PCSK5: variants seen among roughly 807,000 people sequenced by gnomAD.
PCSK5 encodes prohormone convertase 5.
PCSK5 carries 129 observed loss-of-function variants against 233.2 expected under a neutral mutation model. The ratio of observed to expected loss-of-function variants is 0.55; its 90% CI spans 0.48 to 0.64. The LOEUF is 0.64. Ranked by LOEUF, PCSK5 falls within the 30% of genes least tolerant of loss-of-function variation. The pLI, the probability that PCSK5 is intolerant of heterozygous loss-of-function variation, is 0.00. For synonymous variants in PCSK5, 825 were observed against 879.2 expected (o/e 0.94, Z 1.09); for missense variants, 2,076 against 2,430.1 (o/e 0.85, Z 3.06).
At chr9:76,264,615 C>T (rs568636990) in intron 24 of PCSK5, among the ~76,000 whole-genome samples, 38 of 152,242 alleles carry the variant, frequency 2.5e-4, no homozygotes, top group African/African-American at 8.7e-4. Flanking sequence ...TGAACAGACA[C>T]TTCTCAAAAG....
intron 34 of PCSK5, among the ~76,000 whole-genome samples, chr9:76,333,053 A>G (rs990685978): frequency 6.6e-6 from 1 of 152,238 alleles, no homozygotes; most frequent in African/African-American, 2.4e-5. Context: ...CCATCAGGCT[A>G]TAGTCCCAGC....
chr9:76,334,004 T>C (rs113792160), intron 34 of PCSK5, among the ~76,000 whole-genome samples: 23 of 152,268 alleles, frequency 1.5e-4, no homozygotes, highest in African/African-American at 5.5e-4. Context: ...TTAATTCGAC[T>C]TACAGTTCCA....
At chr9:76,218,725 GATTA>G (rs1184082740) in intron 20 of PCSK5, among the ~76,000 whole-genome samples, 1 of 152,112 alleles carries the variant, frequency 6.6e-6, no homozygotes, top group African/African-American at 2.4e-5. Flanking sequence ...TATGTGATTT[GATTA>G]ATTTCACACA....
intron 20 of PCSK5, among the ~76,000 whole-genome samples, chr9:76,216,659 T>C (rs1297452066): frequency 6.6e-6 from 1 of 151,888 alleles, no homozygotes; most frequent in African/African-American, 2.4e-5. Flanking sequence ...GTATTGGGGG[T>C]CAAAGGGAAG....
At chr9:76,096,937 TA>T (rs1043000017) in intron 8 of PCSK5, among the ~76,000 whole-genome samples, 6 of 150,846 alleles carry the variant, frequency 4.0e-5, no homozygotes, top group African/African-American at 1.5e-4. Context: ...TTTTATTTTT[TA>T]TTTTTTTTTT....
At position 76,359,094 on chromosome 9, in the gene PCSK5, T is replaced by G; in HGVS notation, c.*172T>G. On this transcript the variant is annotated 3_prime_UTR_variant, in exon 38 of 38. Transcript: ENST00000674117. ...ATGATGAAATACTTTGTTCTTCTTT[T>G]GAGTGGCTAAACTCAATTAACAGTT... 1 of 600,934 alleles carries G rather than the reference T, an allele frequency of 1.7e-6. No individual in the cohort carries two copies. Among genetic ancestry groups the G allele is most frequent in the East Asian group, 2.8e-5 (1 of 36,176 alleles). 37.2% of individuals were successfully genotyped at this position (600,934 alleles called of 1,614,324 possible).
At chr9:76,002,269 C>T (rs1022475312) in intron 3 of PCSK5, among the ~76,000 whole-genome samples, 11 of 152,150 alleles carry the variant, frequency 7.2e-5, no homozygotes, top group African/African-American at 2.7e-4. Flanking sequence ...GAGACCCTTG[C>T]AAATATACTC....
intron 24 of PCSK5, among the ~76,000 whole-genome samples, chr9:76,260,925 G>A (rs1827153047): frequency 6.6e-6 from 1 of 152,064 alleles, no homozygotes; most frequent in African/African-American, 2.4e-5. Flanking sequence ...TATTAATGGG[G>A]TATTTATTAA....
intron 26 of PCSK5, 59 bp downstream of exon 26, chr9:76,295,470 C>T (rs988271076): frequency 1.5e-5 from 23 of 1,527,122 alleles, no homozygotes; most frequent in East Asian, 2.3e-5. Context: ...TCCACACAGT[C>T]GGGGCCACAG....
intron 1 of PCSK5, among the ~76,000 whole-genome samples, chr9:75,898,606 T>C (rs1332627421): frequency 1.3e-5 from 2 of 149,582 alleles, no homozygotes; most frequent in African/African-American, 2.5e-5. Context: ...TAGGGACAGT[T>C]CCCCAAAGGA....
rs148773927 is a variant in PCSK5, at chr9:75,956,067, G to A, written c.297+23584G>A. On this transcript the variant is annotated intron_variant, in intron 2 of 37. Transcript: ENST00000674117. ...ACTCTTGTAACCACTACACTATATT[G>A]CCTCTAACTCTTCAGTCATTCCTGC... is the stretch of plus-strand genomic sequence containing the variant. Among the ~76,000 whole-genome samples the A allele has an allele frequency of 4.1e-3, 621 of 152,234 alleles. 2 individuals are homozygous for A. Among genetic ancestry groups the A allele is most frequent in the Non-Finnish European group, 5.9e-3 (400 of 68,004 alleles).
At chr9:75,918,116 T>C (rs1823083700) in intron 1 of PCSK5, among the ~76,000 whole-genome samples, 2 of 152,266 alleles carry the variant, frequency 1.3e-5, no homozygotes, top group African/African-American at 4.8e-5. Flanking sequence ...GAGTTGAGTT[T>C]GGATAAAACT....
rs537142874 is a variant in PCSK5, at chr9:75,949,029, A to T, written c.297+16546A>T. ...CAAAACCAAAAAACTACTTTTGAAG[A>T]TACTAATGAATATATTTTAAGAAAA... On this transcript the variant is annotated intron_variant, in intron 2 of 37. Transcript: ENST00000674117. 2.0e-5 allele frequency among the ~76,000 whole-genome samples: 3 copies of T among 151,214 alleles called. No homozygotes were observed. In the East Asian group the frequency reaches 5.8e-4, roughly 29 times the overall value.
At chr9:75,957,752 C>G (rs1405704715) in intron 2 of PCSK5, among the ~76,000 whole-genome samples, 1 of 152,122 alleles carries the variant, frequency 6.6e-6, no homozygotes, top group Non-Finnish European at 1.5e-5. Context: ...CTAAAATATG[C>G]TTTTGGAATA....
At chr9:75,910,700 A>G (rs181482395) in intron 1 of PCSK5, among the ~76,000 whole-genome samples, 13 of 152,266 alleles carry the variant, frequency 8.5e-5, no homozygotes, top group Admixed American at 7.8e-4. Context: ...TGTTTAATAG[A>G]GAACTCTCTT....
chr9:76,198,074 T>C (rs918459108), intron 20 of PCSK5, among the ~76,000 whole-genome samples: 1 of 152,240 alleles, frequency 6.6e-6, no homozygotes, highest in African/African-American at 2.4e-5. Flanking sequence ...GCAATAAAGA[T>C]GCAGTTATGC....
chr9:76,231,531 A>G (rs1826080071), intron 21 of PCSK5, among the ~76,000 whole-genome samples: 1 of 152,258 alleles, frequency 6.6e-6, no homozygotes, highest in South Asian at 2.1e-4. Context: ...TCTCTTTTTC[A>G]GCAGAACATT....
In PCSK5 at chr9:76,159,118, G is replaced by A. The variant is rs1377971898; in HGVS notation, c.1566G>A (p.Leu522=). 6.2e-7 allele frequency: 1 copy of A among 1,614,004 alleles called. No homozygotes were observed. Among genetic ancestry groups the A allele is most frequent in the Non-Finnish European group, 8.5e-7 (1 of 1,180,032 alleles). ...TCACCCACCCCAGGAGAGGAGACCTGGCCATCTACCTGACCTCGCCCTCTG... is the reference window on the plus strand; with the variant it reads ...TCACCCACCCCAGGAGAGGAGACCTAGCCATCTACCTGACCTCGCCCTCTG... The part of the protein sequence containing the change: ...ITITHPRRGD[L]AIYLTSPSGT... The change falls in exon 12 of 38, where the codon CTG becomes CTA. Residue 522 remains leucine (L), a synonymous_variant. Transcript: ENST00000674117.
rs372170353 is a variant in PCSK5, at chr9:76,295,328, T to C, written c.3239T>C (p.Val1080Ala). 1.2e-6 allele frequency: 2 copies of C among 1,611,636 alleles called. No individual in the cohort carries two copies. The highest frequency in any genetic ancestry group is 1.7e-6 in the Non-Finnish European group (2 of 1,178,872). ...CCTGAGAAGACCTACAGTGAGGAAG[T>C]GGAATGCAAGGCGTGTGATAGTAAC... ...TCPEKTYSEE[V>A]ECKACDSNCG... Residue 1080 changes from valine (V) to alanine (A), a missense_variant, in exon 26 of 38, where the codon GTG becomes GCG. Coordinates refer to ENST00000674117, the MANE Select transcript of PCSK5 (RefSeq NM_001372043.1).
Sources: gnomAD v4.1 joint callset for allele counts (sites outside exome capture counted in the v4.1 genomes callset) on GRCh38, gnomAD v4.1.1 for gene constraint, MANE v1.5 for transcripts, NCBI Gene and HGNC (gene_info 2026-07-23, HGNC 2026-07-21) for gene names.